The following DCC variants were observed in gnomAD, a reference collection of about 807,000 sequenced individuals.
DCC encodes the protein DCC netrin 1 receptor.
DCC carries 58 observed loss-of-function variants against 172.5 expected under a neutral mutation model. The observed-to-expected ratio is 0.34, with a 90% confidence interval of 0.27 to 0.42. The LOEUF (loss-of-function observed/expected upper bound fraction) is 0.42. DCC is among the 10% of genes least tolerant of loss of function. DCC has a pLI of 1.00. For synonymous variants in DCC, 709 were observed against 644.5 expected, an observed-to-expected ratio of 1.10 and a Z score of -1.52; for missense variants, 1,740 against 1,791.0, an observed-to-expected ratio of 0.97 and a Z score of 0.51.
At chr18:52,637,839 A>C (rs1260893391) in intron 1 of DCC, among the ~76,000 whole-genome samples, 1 of 152,204 alleles carries the variant, frequency 6.6e-6, no homozygotes, top group Non-Finnish European at 1.5e-5. Context: ...TCATAGCAAA[A>C]AGATCTTTGC....
rs776080029 is a variant in DCC, at chr18:52,802,643, C to CTTTT, written c.412+50306_412+50309dup. On this transcript the variant is annotated intron_variant, in intron 2 of 28. Coordinates refer to ENST00000442544, the MANE Select transcript of DCC (RefSeq NM_005215.4). ...ACAGGTACACATCACCACGCCAAGCCTTTTTTTTTTTTTTTTTTTTTTTTT... is the reference window on the plus strand; with the variant it reads ...ACAGGTACACATCACCACGCCAAGCCTTTTTTTTTTTTTTTTTTTTTTTTTTTTT... 5.3e-3 allele frequency among the ~76,000 whole-genome samples: 201 copies of CTTTT among 38,196 alleles called. 66 individuals carry two copies. The highest frequency in any genetic ancestry group is 0.026 in the East Asian group (21 of 816). 25.1% of individuals were successfully genotyped at this position (38,196 alleles called of 152,430 possible).
intron 1 of DCC, among the ~76,000 whole-genome samples, chr18:52,346,440 A>G (rs1236557967): frequency 6.6e-6 from 1 of 152,228 alleles, no homozygotes; most frequent in Non-Finnish European, 1.5e-5. Flanking sequence ...ATAGTGCTCC[A>G]AAGTTATTTG....
chr18:52,388,969 G>A (rs1023610145), intron 1 of DCC, among the ~76,000 whole-genome samples: 2 of 152,104 alleles, frequency 1.3e-5, no homozygotes, highest in East Asian at 1.9e-4. Flanking sequence ...GTTCAGGACC[G>A]AGGATAGCCA....
intron 1 of DCC, among the ~76,000 whole-genome samples, chr18:52,462,881 GTCCTC>G (rs2144542764): frequency 6.6e-6 from 1 of 151,548 alleles, no homozygotes; most frequent in African/African-American, 2.4e-5. Flanking sequence ...TGACGGAAAT[GTCCTC>G]TCCAATCTCT....
intron 1 of DCC, among the ~76,000 whole-genome samples, chr18:52,474,238 GAGAGAA>G (rs1315671926): frequency 0.06 from 4,509 of 75,044 alleles, 127 homozygotes; most frequent in Middle Eastern, 0.15. Flanking sequence ...GAGAGAGAGA[GAGAGAA>G]AGAGAGAGAA....
chr18:52,637,656 C>T (rs538694458), intron 1 of DCC, among the ~76,000 whole-genome samples: 32 of 152,252 alleles, frequency 2.1e-4, no homozygotes, highest in African/African-American at 6.5e-4. Flanking sequence ...GCCTCCAAGA[C>T]GTCTGGGATT....
At chr18:52,392,004 C>A (rs1484147646) in intron 1 of DCC, among the ~76,000 whole-genome samples, 1 of 152,152 alleles carries the variant, frequency 6.6e-6, no homozygotes, top group East Asian at 1.9e-4. Context: ...TTCGAGTCCA[C>A]AAATTCTTGG....
chr18:53,071,835 T>TC (rs2042655398), intron 7 of DCC, among the ~76,000 whole-genome samples: 1 of 152,104 alleles, frequency 6.6e-6, no homozygotes, highest in Non-Finnish European at 1.5e-5. Context: ...GGGTTAAGAA[T>TC]CAATGTGTTA....
chr18:52,375,319 T>TCA (rs10604305), intron 1 of DCC, among the ~76,000 whole-genome samples: 6 of 151,648 alleles, frequency 4.0e-5, no homozygotes, highest in Non-Finnish European at 5.9e-5. Flanking sequence ...ACTATAACAC[T>TCA]CACACACACA....
intron 2 of DCC, among the ~76,000 whole-genome samples, chr18:52,885,806 CT>C (rs1438594173): frequency 6.6e-6 from 1 of 152,086 alleles, no homozygotes; most frequent in Non-Finnish European, 1.5e-5. Context: ...GCTCTAGGTC[CT>C]TGGCATACTA....
chr18:52,416,494 T>A (rs997945425), intron 1 of DCC, among the ~76,000 whole-genome samples: 3 of 151,320 alleles, frequency 2.0e-5, no homozygotes, highest in Non-Finnish European at 2.9e-5. Flanking sequence ...CCCATTATTA[T>A]TGTGTGGGAG....
intron 5 of DCC, among the ~76,000 whole-genome samples, chr18:52,973,167 T>C (rs1368045295): frequency 1.3e-5 from 2 of 152,224 alleles, no homozygotes; most frequent in African/African-American, 4.8e-5. Flanking sequence ...GGTCTTTCTT[T>C]ATCTAGATCT....
chr18:52,663,231 A>C (rs1327830252), intron 1 of DCC, among the ~76,000 whole-genome samples: 1 of 152,248 alleles, frequency 6.6e-6, no homozygotes, highest in Non-Finnish European at 1.5e-5. Context: ...CATCCTAAGT[A>C]ACGTTTCTCA....
At chr18:53,423,795 C>T (rs911212253) in intron 21 of DCC, among the ~76,000 whole-genome samples, 1 of 152,144 alleles carries the variant, frequency 6.6e-6, no homozygotes, top group African/African-American at 2.4e-5. Flanking sequence ...ACATTGTCAT[C>T]CCTACCTCCC....
intron 1 of DCC, among the ~76,000 whole-genome samples, chr18:52,718,253 T>G (rs1467250412): frequency 6.6e-6 from 1 of 152,216 alleles, no homozygotes; most frequent in Non-Finnish European, 1.5e-5. Flanking sequence ...TTTGATTTAA[T>G]TTGACTGGGG....
Position 53,197,419 on chromosome 18 carries a change from GTTTTTTTTTT to G in DCC, c.1574-7785_1574-7776del, listed in dbSNP as rs11427253. Among the ~76,000 whole-genome samples the G allele has an allele frequency of 2.5e-5, 3 of 119,524 alleles. No individual in the cohort carries two copies. In the East Asian group the frequency reaches 7.2e-4, roughly 29 times the overall value. The allele number at this position is 119,524 out of a possible 152,430, so 78.4% of individuals were successfully genotyped here. ...TTTCTTCAAATCCACTTTTATTTTA[GTTTTTTTTTT>G]TTTTTTTTTTTAACAGTGGCTGTTA... On this transcript the variant is annotated intron_variant, in intron 9 of 28. Coordinates refer to ENST00000442544, the MANE Select transcript of DCC (RefSeq NM_005215.4).
chr18:52,592,371 G>A (rs1318034144), intron 1 of DCC, among the ~76,000 whole-genome samples: 1 of 152,092 alleles, frequency 6.6e-6, no homozygotes, highest in South Asian at 2.1e-4. Flanking sequence ...CAAGATCCTT[G>A]GTCAAAACTG....
chr18:53,306,752 G>C (rs957488897), intron 13 of DCC, among the ~76,000 whole-genome samples: 1 of 152,206 alleles, frequency 6.6e-6, no homozygotes, highest in African/African-American at 2.4e-5. Flanking sequence ...GGTATGATCA[G>C]AGCTCAGGGC....
chr18:53,162,630 G>A (rs868048312), intron 8 of DCC, among the ~76,000 whole-genome samples: 5 of 151,968 alleles, frequency 3.3e-5, no homozygotes, highest in African/African-American at 7.3e-5. Context: ...AGATCTTTGC[G>A]CTTGCTCTTC....
Sources: gnomAD v4.1 joint callset for allele counts (sites outside exome capture counted in the v4.1 genomes callset) on GRCh38, gnomAD v4.1.1 for gene constraint, MANE v1.5 for transcripts, NCBI Gene and HGNC (gene_info 2026-07-23, HGNC 2026-07-21) for gene names.